APP: variants seen among roughly 807,000 people sequenced by gnomAD.
The protein encoded by APP is amyloid beta precursor protein.
A neutral mutation model predicts 101.4 loss-of-function variants in APP; 31 were observed. That is an observed-to-expected ratio of 0.31 (90% CI 0.23 to 0.41). The LOEUF is 0.41. Among genes scored for constraint, APP ranks in the 10% least tolerant of loss-of-function variants. APP has a pLI of 1.00. For synonymous variants in APP, 366 were observed against 364.4 expected (o/e 1.00, Z -0.05); for missense variants, 839 against 1,003.7 (o/e 0.84, Z 2.22).
intron 13 of APP, among the ~76,000 whole-genome samples, chr21:25,933,159 T>C (rs1156641150): frequency 3.3e-5 from 5 of 152,204 alleles, no homozygotes; most frequent in Non-Finnish European, 7.3e-5. Flanking sequence ...AGTGCAGTGA[T>C]GTGATCATAG....
intron 11 of APP, among the ~76,000 whole-genome samples, chr21:25,970,637 T>A (rs1471447289): frequency 6.6e-6 from 1 of 152,152 alleles, no homozygotes; most frequent in Non-Finnish European, 1.5e-5. Context: ...AACGCTAATA[T>A]GAATATTCTT....
intron 3 of APP, among the ~76,000 whole-genome samples, chr21:26,056,573 C>G (rs995866580): frequency 1.3e-5 from 2 of 151,240 alleles, no homozygotes; most frequent in Non-Finnish European, 2.9e-5. Flanking sequence ...CCCCCAACAC[C>G]TGTATTTCTG....
chr21:25,970,930 T>G (rs912502831), intron 11 of APP, among the ~76,000 whole-genome samples: 5 of 152,216 alleles, frequency 3.3e-5, no homozygotes, highest in Non-Finnish European at 2.9e-5. Context: ...AATGGGTGAC[T>G]TTCTGGTTAA....
At chr21:26,059,068 G>A (rs1378458634) in intron 3 of APP, among the ~76,000 whole-genome samples, 2 of 150,432 alleles carry the variant, frequency 1.3e-5, no homozygotes, top group Admixed American at 6.6e-5. Context: ...GCGACAGAGC[G>A]AGACTCCGTC....
intron 13 of APP, among the ~76,000 whole-genome samples, chr21:25,923,385 C>A (rs1228912239): frequency 1.4e-5 from 2 of 147,996 alleles, no homozygotes. Flanking sequence ...CAAATGGGAT[C>A]TAATTAAACT....
intron 2 of APP, among the ~76,000 whole-genome samples, chr21:26,098,057 G>A (rs938443866): frequency 1.5e-5 from 2 of 135,572 alleles, no homozygotes; most frequent in African/African-American, 5.4e-5. Context: ...TCCAGCCTGC[G>A]AGGCAGAGCC....
intron 1 of APP, among the ~76,000 whole-genome samples, chr21:26,163,449 T>C (rs574189476): frequency 6.6e-6 from 1 of 152,242 alleles, no homozygotes; most frequent in East Asian, 1.9e-4. Context: ...CAGGATCCAT[T>C]AATTTACAAA....
At chr21:26,057,325 T>G (rs1256169370) in intron 3 of APP, among the ~76,000 whole-genome samples, 1 of 152,248 alleles carries the variant, frequency 6.6e-6, no homozygotes, top group Admixed American at 6.5e-5. Flanking sequence ...ATCATGTTCC[T>G]GTTTACAGCA....
intron 8 of APP, among the ~76,000 whole-genome samples, chr21:25,983,269 A>AT (rs2042509027): frequency 1.3e-5 from 2 of 152,238 alleles, no homozygotes; most frequent in South Asian, 4.1e-4. Context: ...CAGAGTATTT[A>AT]TGAGCTTAAA....
upstream of APP, chr21:26,170,772 G>C: frequency 2.5e-6 from 2 of 812,146 alleles, no homozygotes; most frequent in Non-Finnish European, 3.5e-6. Flanking sequence ...GAAACTGACG[G>C]AGCCCGAGCG....
chr21:26,122,919 G>A (rs998578233), intron 1 of APP, among the ~76,000 whole-genome samples: 1 of 152,076 alleles, frequency 6.6e-6, no homozygotes, highest in Non-Finnish European at 1.5e-5. Flanking sequence ...TTTTGTTCTT[G>A]TCTCTCATAT....
In APP at chr21:26,057,914, A is replaced by G. The variant is rs1160958137; in HGVS notation, c.356-4566T>C. On this transcript the variant is annotated intron_variant, in intron 3 of 17. Transcript: ENST00000346798. Reference sequence around the variant, plus strand: ...AATCTACAATGTGGTCAATTTGACAATAAAACTAGACTTAAATTAGCTAGC... The same window carrying G: ...AATCTACAATGTGGTCAATTTGACAGTAAAACTAGACTTAAATTAGCTAGC... Among the ~76,000 whole-genome samples, 4 of 152,262 alleles carry G rather than the reference A, an allele frequency of 2.6e-5. No individual in the cohort carries two copies. The East Asian group carries it at 7.7e-4, about 29-fold the overall frequency.
intron 17 of APP, among the ~76,000 whole-genome samples, chr21:25,886,820 ACT>A: frequency 6.6e-6 from 1 of 150,824 alleles, no homozygotes; most frequent in South Asian, 2.1e-4. Flanking sequence ...CAACCTGACC[ACT>A]CTCTCCAACT....
chr21:25,895,827 G>C (rs1252340990), intron 16 of APP, among the ~76,000 whole-genome samples: 1 of 152,160 alleles, frequency 6.6e-6, no homozygotes, highest in Non-Finnish European at 1.5e-5. Flanking sequence ...GAGGTAATCA[G>C]GAATAAATAC....
intron 1 of APP, among the ~76,000 whole-genome samples, chr21:26,117,415 G>A (rs927821418): frequency 3.3e-5 from 5 of 152,172 alleles, no homozygotes; most frequent in Non-Finnish European, 7.3e-5. Context: ...TCTTTTAAAT[G>A]CCAAAAAAGT....
chr21:25,927,667 C>T (rs1267539950), intron 13 of APP, among the ~76,000 whole-genome samples: 1 of 61,320 alleles, frequency 1.6e-5, no homozygotes, highest in Non-Finnish European at 3.1e-5. Context: ...ATGCTTTGTC[C>T]CCTTATGGTA....
At chr21:26,035,789 C>T (rs1441527469) in intron 5 of APP, among the ~76,000 whole-genome samples, 2 of 152,018 alleles carry the variant, frequency 1.3e-5, no homozygotes, top group African/African-American at 4.8e-5. Flanking sequence ...TAGCAGGATA[C>T]GGAAATAACT....
At chr21:26,106,869 G>C (rs2062193983) in intron 2 of APP, among the ~76,000 whole-genome samples, 1 of 152,142 alleles carries the variant, frequency 6.6e-6, no homozygotes, top group Non-Finnish European at 1.5e-5. Flanking sequence ...TCCTGCAATG[G>C]ACTACAACGT....
At chr21:26,146,563 A>G (rs1002408357) in intron 1 of APP, among the ~76,000 whole-genome samples, 1 of 152,250 alleles carries the variant, frequency 6.6e-6, no homozygotes, top group Non-Finnish European at 1.5e-5. Context: ...TGAAATATTT[A>G]TACATAAAAT....
Sources: allele counts gnomAD v4.1 joint callset (sites outside exome capture counted in the v4.1 genomes callset), GRCh38; gene constraint gnomAD v4.1.1; transcripts MANE v1.5; gene names NCBI Gene and HGNC (gene_info 2026-07-23, HGNC 2026-07-21).